The following TSPAN5 variants were observed in gnomAD, a reference collection of about 807,000 sequenced individuals.
TSPAN5 encodes tetraspanin 5.
TSPAN5 carries 10 observed loss-of-function variants against 37.1 expected under a neutral mutation model. The ratio of observed to expected loss-of-function variants is 0.27; its 90% CI spans 0.17 to 0.46. TSPAN5 has a LOEUF of 0.46. Among genes scored for constraint, TSPAN5 ranks in the 20% least tolerant of loss-of-function variants. The pLI is 1.00. For synonymous variants in TSPAN5, 110 were observed against 118.9 expected (o/e 0.93, Z 0.48); for missense variants, 195 against 326.6 (o/e 0.60, Z 3.11).
rs545259574 is a variant in TSPAN5 at position 98,610,608 on chromosome 4, G to A, written c.81+47538C>T. Among the ~76,000 whole-genome samples the A allele has an allele frequency of 2.0e-3, 311 of 152,262 alleles. 1 individual carries two copies. Among genetic ancestry groups the A allele is most frequent in the Non-Finnish European group, 1.6e-3 (108 of 68,028 alleles). On this transcript the variant is annotated intron_variant, in intron 1 of 7. Coordinates refer to ENST00000305798, the MANE Select transcript of TSPAN5 (RefSeq NM_005723.4). ...CACAGCACCCAGGCAAAGAACTGGC[G>A]CTCAGCACGTATCTGTCGAGTGAAT...
chr4:98,534,861 G>A (rs551926775), intron 1 of TSPAN5, among the ~76,000 whole-genome samples: 5 of 151,846 alleles, frequency 3.3e-5, no homozygotes, highest in Admixed American at 6.6e-5. Flanking sequence ...TTGTTTGTTT[G>A]GTTTTGGCTT....
chr4:98,527,996 A>T (rs1207139256), intron 1 of TSPAN5, among the ~76,000 whole-genome samples: 1 of 152,208 alleles, frequency 6.6e-6, no homozygotes, highest in Non-Finnish European at 1.5e-5. Flanking sequence ...TGTTGAAAGC[A>T]TCCCTCACAA....
intron 1 of TSPAN5, 83 bp downstream of exon 1, chr4:98,658,063 G>T: frequency 7.8e-7 from 1 of 1,289,040 alleles, no homozygotes; most frequent in Non-Finnish European, 1.1e-6. Flanking sequence ...GCTGCGAAAA[G>T]TAAAGGCAAC....
intron 1 of TSPAN5, among the ~76,000 whole-genome samples, chr4:98,626,342 C>G (rs971823721): frequency 6.6e-6 from 1 of 152,268 alleles, no homozygotes; most frequent in African/African-American, 2.4e-5. Context: ...TTAAATTGAT[C>G]TCTCTGCTTC....
At chr4:98,520,494 C>T (rs947249562) in intron 1 of TSPAN5, among the ~76,000 whole-genome samples, 6 of 152,136 alleles carry the variant, frequency 3.9e-5, no homozygotes, top group African/African-American at 1.4e-4. Context: ...TATCCGTTAC[C>T]TTACGTAGGA....
At chr4:98,634,498 G>A (rs1207184978) in intron 1 of TSPAN5, among the ~76,000 whole-genome samples, 1 of 152,124 alleles carries the variant, frequency 6.6e-6, no homozygotes. Context: ...TGGGGTAAAT[G>A]TATTATTTTC....
chr4:98,484,250 C>T, intron 3 of TSPAN5: 1 of 357,854 alleles, frequency 2.8e-6, no homozygotes. Context: ...TCACAGGCTT[C>T]ACCCTAGAGC....
intron 1 of TSPAN5, among the ~76,000 whole-genome samples, chr4:98,576,174 T>A (rs1014935617): frequency 2.7e-5 from 4 of 150,192 alleles, no homozygotes; most frequent in African/African-American, 9.8e-5. Flanking sequence ...ACAAGAAAAT[T>A]AAAAAAAAAA....
intron 1 of TSPAN5, among the ~76,000 whole-genome samples, chr4:98,554,441 C>A (rs568833639): frequency 6.6e-6 from 1 of 152,182 alleles, no homozygotes; most frequent in Non-Finnish European, 1.5e-5. Context: ...TTAAAAAGTT[C>A]TCATTTCACA....
chr4:98,511,487 C>T (rs531801453), intron 1 of TSPAN5, among the ~76,000 whole-genome samples: 3 of 152,238 alleles, frequency 2.0e-5, no homozygotes, highest in Admixed American at 6.5e-5. Context: ...GGCATCCAAA[C>T]GTATCTAAAC....
chr4:98,624,847 T>C (rs1223552863), intron 1 of TSPAN5, among the ~76,000 whole-genome samples: 1 of 152,202 alleles, frequency 6.6e-6, no homozygotes, highest in African/African-American at 2.4e-5. Context: ...ACATAAGTGA[T>C]GGCAGCCTAC....
At chr4:98,488,627 T>A (rs1301399469) in intron 2 of TSPAN5, among the ~76,000 whole-genome samples, 1 of 152,190 alleles carries the variant, frequency 6.6e-6, no homozygotes, top group East Asian at 1.9e-4. Context: ...TTTTGTTTCT[T>A]GGGTTTCCAA....
At chr4:98,487,088 AAG>A (rs369637803) in intron 2 of TSPAN5, among the ~76,000 whole-genome samples, 70 of 145,820 alleles carry the variant, frequency 4.8e-4, no homozygotes, top group Middle Eastern at 6.9e-3. Context: ...AAGAAAGAGA[AAG>A]AGAGAGAAAG....
At chr4:98,581,783 C>T (rs553570418) in intron 1 of TSPAN5, among the ~76,000 whole-genome samples, 1 of 152,064 alleles carries the variant, frequency 6.6e-6, no homozygotes, top group African/African-American at 2.4e-5. Context: ...CCTGCGCAGC[C>T]AGTAATTTGC....
intron 1 of TSPAN5, among the ~76,000 whole-genome samples, chr4:98,613,540 GC>G (rs757547145): frequency 2.0e-5 from 3 of 152,142 alleles, no homozygotes; most frequent in Non-Finnish European, 2.9e-5. Flanking sequence ...TGCAAATATG[GC>G]CTCTGCAAAA....
chr4:98,525,303 T>A (rs915507137), intron 1 of TSPAN5, among the ~76,000 whole-genome samples: 1 of 152,220 alleles, frequency 6.6e-6, no homozygotes, highest in African/African-American at 2.4e-5. Flanking sequence ...CCGGGGCCAT[T>A]GTGCAGAGTT....
chr4:98,524,859 G>C (rs1753927594), intron 1 of TSPAN5, among the ~76,000 whole-genome samples: 1 of 152,088 alleles, frequency 6.6e-6, no homozygotes, highest in Admixed American at 6.5e-5. Flanking sequence ...TTACTATGCA[G>C]TTATGTTTTT....
intron 1 of TSPAN5, among the ~76,000 whole-genome samples, chr4:98,524,915 T>C (rs1753928775): frequency 6.6e-6 from 1 of 152,196 alleles, no homozygotes; most frequent in South Asian, 2.1e-4. Flanking sequence ...TGATCTGTTT[T>C]TTATCTATAA....
In TSPAN5 at chr4:98,472,508, C is replaced by T. The variant is rs759234834; in HGVS notation, c.*14G>A. 3.3e-5 allele frequency: 53 copies of T among 1,613,272 alleles called. No homozygotes were observed. In the East Asian group the frequency reaches 4.9e-4, roughly 15 times the overall value. On this transcript the variant is annotated 3_prime_UTR_variant, in exon 8 of 8. Coordinates refer to ENST00000305798, the MANE Select transcript of TSPAN5 (RefSeq NM_005723.4). ...GGGTCTGTCCAGTGTCTTGCAGCAG[C>T]GGTTGCAGGGGGTCTACCAGCTCGC...
Sources: allele counts gnomAD v4.1 joint callset (sites outside exome capture counted in the v4.1 genomes callset), GRCh38; gene constraint gnomAD v4.1.1; transcripts MANE v1.5; gene names NCBI Gene and HGNC (gene_info 2026-07-23, HGNC 2026-07-21).